The following PTPRD variants were observed in gnomAD, a reference collection of about 807,000 sequenced individuals.
PTPRD encodes the protein receptor-type tyrosine-protein phosphatase delta.
PTPRD carries 34 observed loss-of-function variants against 214.5 expected under a neutral mutation model. The observed-to-expected ratio is 0.16, with a 90% CI of 0.12 to 0.21. PTPRD has a LOEUF of 0.21. PTPRD is among the 10% of genes least tolerant of loss of function. The probability of loss-of-function intolerance (pLI) is 1.00; values close to 1 mark genes in which losing one functional copy is unlikely to be tolerated. For missense variants in PTPRD, 2,545 were observed against 2,398.7 expected (o/e 1.06, Z -1.27); for synonymous variants, 1,128 against 845.7 (o/e 1.33, Z -5.79).
chr9:9,398,174 A>AT (rs943719396), intron 8 of PTPRD, among the ~76,000 whole-genome samples: 4 of 146,338 alleles, frequency 2.7e-5, no homozygotes, highest in African/African-American at 1.0e-4. Flanking sequence ...CTGCCTCAAT[A>AT]TTTTTTTCTA....
At chr9:10,270,392 A>G (rs1052462430) in intron 3 of PTPRD, among the ~76,000 whole-genome samples, 1 of 152,182 alleles carries the variant, frequency 6.6e-6, no homozygotes, top group Non-Finnish European at 1.5e-5. Context: ...AAGAAAATAT[A>G]ATTTCAAGTT....
chr9:8,468,680 T>C (rs573369305), intron 31 of PTPRD, among the ~76,000 whole-genome samples: 1 of 151,816 alleles, frequency 6.6e-6, no homozygotes, highest in African/African-American at 2.4e-5. Context: ...ATTTGAATTA[T>C]AGGCCTTTCT....
In PTPRD at chr9:10,502,770, T is replaced by C. The variant is rs182313559; in HGVS notation, c.-600+109628A>G. On this transcript the variant is annotated intron_variant, in intron 2 of 45. Coordinates refer to ENST00000381196, the MANE Select transcript of PTPRD (RefSeq NM_002839.4). ...TGTAGTTATCTAGCAAAGAAACCAG[T>C]TGACCCATAAAATATCCATTTAGTT... Among the ~76,000 whole-genome samples, 117 of 152,164 alleles carry C rather than the reference T, an allele frequency of 7.7e-4. 1 individual carries two copies. In the East Asian group the frequency reaches 0.02, roughly 27 times the overall value.
chr9:9,298,725 T>C (rs1286673665), intron 9 of PTPRD, among the ~76,000 whole-genome samples: 1 of 151,774 alleles, frequency 6.6e-6, no homozygotes, highest in Non-Finnish European at 1.5e-5. Context: ...GGGCTGTTTA[T>C]ATTTAATTCC....
intron 4 of PTPRD, among the ~76,000 whole-genome samples, chr9:9,957,142 A>C (rs932511555): frequency 6.6e-6 from 1 of 152,202 alleles, no homozygotes; most frequent in Non-Finnish European, 1.5e-5. Context: ...CTCCACAAAA[A>C]ATAAATCCCA....
chr9:9,590,037 T>C (rs967699773), intron 7 of PTPRD, among the ~76,000 whole-genome samples: 3 of 152,050 alleles, frequency 2.0e-5, no homozygotes, highest in Non-Finnish European at 2.9e-5. Flanking sequence ...AGAATGTAAC[T>C]TCTTTTACTT....
At chr9:9,696,361 C>G (rs114451811) in intron 7 of PTPRD, among the ~76,000 whole-genome samples, 2 of 152,186 alleles carry the variant, frequency 1.3e-5, no homozygotes, top group East Asian at 3.9e-4. Flanking sequence ...CTTCATTGAC[C>G]TTCTGCCTGG....
intron 4 of PTPRD, among the ~76,000 whole-genome samples, chr9:9,981,354 A>ATGCTT (rs2095536194): frequency 7.2e-6 from 1 of 138,192 alleles, no homozygotes; most frequent in South Asian, 2.3e-4. Context: ...ACATTAAACA[A>ATGCTT]TTTTTTTTTT....
intron 5 of PTPRD, among the ~76,000 whole-genome samples, chr9:9,801,791 AG>A (rs1167990399): frequency 6.6e-6 from 1 of 152,092 alleles, no homozygotes; most frequent in Admixed American, 6.6e-5. Context: ...GAAATTGACA[AG>A]GCCACTGCAA....
In PTPRD at chr9:9,379,294, A is replaced by G. The variant is rs138142879; in HGVS notation, c.-203+18155T>C. Among the ~76,000 whole-genome samples the G allele has an allele frequency of 1.5e-3, 226 of 150,726 alleles. 1 individual carries two copies. The highest frequency in any genetic ancestry group is 5.1e-3 in the African/African-American group (209 of 41,246). On this transcript the variant is annotated intron_variant, in intron 9 of 45. Coordinates refer to ENST00000381196, the MANE Select transcript of PTPRD (RefSeq NM_002839.4). Reference sequence around the variant, plus strand: ...CCCTCTCCCATTTGTTGAAAGGATTATCTTTACTCCATTGTATTGCCTTTT... The same window carrying G: ...CCCTCTCCCATTTGTTGAAAGGATTGTCTTTACTCCATTGTATTGCCTTTT...
At chr9:8,940,446 C>CTTTTTTTTTTTTTTTTTTT (rs34288443) in intron 11 of PTPRD, among the ~76,000 whole-genome samples, 7 of 95,020 alleles carry the variant, frequency 7.4e-5, no homozygotes, top group East Asian at 4.5e-4. Context: ...CCACTCCCAG[C>CTTTTTTTTTTTTTTTTTTT]TTTTTTTTTT....
chr9:9,783,664 C>A (rs946980471), intron 5 of PTPRD, among the ~76,000 whole-genome samples: 6 of 152,020 alleles, frequency 3.9e-5, no homozygotes, highest in Admixed American at 1.3e-4. Context: ...CTACTTTGTA[C>A]CCCTTGTTGT....
intron 11 of PTPRD, among the ~76,000 whole-genome samples, chr9:8,985,359 A>C (rs2154343166): frequency 6.6e-6 from 1 of 152,164 alleles, no homozygotes; most frequent in East Asian, 1.9e-4. Context: ...ACTTATTTAA[A>C]ACACATTCTG....
intron 11 of PTPRD, among the ~76,000 whole-genome samples, chr9:8,983,489 T>G (rs2099324303): frequency 6.6e-6 from 1 of 151,960 alleles, no homozygotes; most frequent in African/African-American, 2.4e-5. Context: ...GGAAATGTGT[T>G]ATTTATTTTA....
At chr9:10,150,031 A>T (rs902769182) in intron 3 of PTPRD, among the ~76,000 whole-genome samples, 18 of 152,064 alleles carry the variant, frequency 1.2e-4, no homozygotes, top group African/African-American at 4.1e-4. Context: ...GTCTGGCCCT[A>T]TCCATTATTT....
chr9:8,922,592 T>A (rs2098835144), intron 11 of PTPRD, among the ~76,000 whole-genome samples: 1 of 152,176 alleles, frequency 6.6e-6, no homozygotes, highest in East Asian at 1.9e-4. Context: ...AGGGATGCAG[T>A]TTGATTTAGA....
intron 12 of PTPRD, among the ~76,000 whole-genome samples, chr9:8,728,795 C>G (rs184028492): frequency 6.6e-6 from 1 of 151,974 alleles, no homozygotes; most frequent in African/African-American, 2.4e-5. Flanking sequence ...GCCTGGCCAA[C>G]ATGGTGAAAC....
intron 7 of PTPRD, among the ~76,000 whole-genome samples, chr9:9,641,196 T>G (rs2095935601): frequency 6.6e-6 from 1 of 151,834 alleles, no homozygotes; most frequent in Admixed American, 6.6e-5. Context: ...TGAGTTGTTT[T>G]CATTTCATCA....
At chr9:10,611,212 C>T (rs1328958664) in intron 2 of PTPRD, among the ~76,000 whole-genome samples, 1 of 152,070 alleles carries the variant, frequency 6.6e-6, no homozygotes, top group African/African-American at 2.4e-5. Context: ...CTATTAGACT[C>T]TAGTCAGTAT....
Sources: allele counts gnomAD v4.1 joint callset (sites outside exome capture counted in the v4.1 genomes callset), GRCh38; gene constraint gnomAD v4.1.1; transcripts MANE v1.5; gene names NCBI Gene and HGNC (gene_info 2026-07-23, HGNC 2026-07-21).